CCDC81: variants seen among roughly 807,000 people sequenced by gnomAD.
CCDC81 encodes coiled-coil domain-containing protein 81.
A neutral mutation model predicts 83.7 loss-of-function variants in CCDC81; 79 were observed. That is an observed-to-expected ratio of 0.94 (90% CI 0.79 to 1.14). CCDC81 has a LOEUF of 1.14. CCDC81 is among the 50% of genes most tolerant of loss of function. The probability of loss-of-function intolerance (pLI) is 0.00; values close to 1 mark genes in which losing one functional copy is unlikely to be tolerated. For synonymous variants in CCDC81, 252 were observed against 278.1 expected (o/e 0.91, Z 0.93); for missense variants, 791 against 778.1 (o/e 1.02, Z -0.20).
intron 7 of CCDC81, among the ~76,000 whole-genome samples, chr11:86,404,883 C>T (rs754685946): frequency 2.6e-5 from 4 of 152,014 alleles, no homozygotes; most frequent in Admixed American, 6.6e-5. Context: ...TGTAGTGGGG[C>T]GCTTTCTCAT....
intron 3 of CCDC81, 67 bp downstream of exon 3, chr11:86,387,739 C>A: frequency 1.8e-6 from 2 of 1,112,630 alleles, no homozygotes; most frequent in South Asian, 1.5e-5. Context: ...AATGAAAGGG[C>A]AAAGCGTAGC....
intron 6 of CCDC81, among the ~76,000 whole-genome samples, chr11:86,399,327 C>A (rs902502997): frequency 6.6e-6 from 1 of 151,982 alleles, no homozygotes; most frequent in Non-Finnish European, 1.5e-5. Context: ...TATTCATGTT[C>A]TTCTTTTTCT....
intron 10 of CCDC81, among the ~76,000 whole-genome samples, chr11:86,410,338 A>G (rs1048751214): frequency 6.6e-6 from 1 of 152,222 alleles, no homozygotes; most frequent in Non-Finnish European, 1.5e-5. Context: ...CTAGGAATAC[A>G]AGGTTCCCTC....
At chr11:86,390,231 T>C (rs1418239990) in intron 3 of CCDC81, among the ~76,000 whole-genome samples, 3 of 152,138 alleles carry the variant, frequency 2.0e-5, no homozygotes, top group Non-Finnish European at 4.4e-5. Flanking sequence ...GAAGATGACA[T>C]GTGAAGAGGT....
At chr11:86,385,532 A>G (rs1447200079) in intron 1 of CCDC81, among the ~76,000 whole-genome samples, 4 of 152,266 alleles carry the variant, frequency 2.6e-5, no homozygotes, top group Non-Finnish European at 5.9e-5. Context: ...GTGAAAAATG[A>G]GAATAAAATG....
At chr11:86,405,782 T>C (rs1399038595) in intron 7 of CCDC81, among the ~76,000 whole-genome samples, 5 of 141,524 alleles carry the variant, frequency 3.5e-5, no homozygotes, top group Admixed American at 1.6e-4. Flanking sequence ...TTTCTTCTTT[T>C]TTCTTTTTTT....
chr11:86,401,411 T>A (rs923519734), intron 7 of CCDC81, among the ~76,000 whole-genome samples: 1 of 152,190 alleles, frequency 6.6e-6, no homozygotes, highest in Admixed American at 6.5e-5. Context: ...GTACTTTGCA[T>A]TGTGCTGCCA....
chr11:86,380,895 CAGTGTGAT>C, intron 1 of CCDC81, among the ~76,000 whole-genome samples: 1 of 152,208 alleles, frequency 6.6e-6, no homozygotes, highest in Non-Finnish European at 1.5e-5. Flanking sequence ...TTTAAATTGC[CAGTGTGAT>C]AGTTCCAACA....
At chr11:86,387,377 G>A (rs989183502) in intron 2 of CCDC81, 139 bp from the exon 3 acceptor site, 26 of 686,518 alleles carry the variant, frequency 3.8e-5, no homozygotes, top group Non-Finnish European at 5.1e-5. Context: ...AAATGCTATA[G>A]CTCTGAAGAG....
rs1320428877 is a variant in CCDC81 at position 86,414,809 on chromosome 11, A to C, written c.1412A>C (p.Lys471Thr). ...GCCAGACTTGCTGCGCAAAGAGCGA[A>C]ATTTTTAAAAGATAAGATGGAAGAA... is the stretch of plus-strand genomic sequence containing the variant. Reference protein sequence around the residue: ...LTEELAAQRAKFLKDKMEETQ... With the variant: ...LTEELAAQRATFLKDKMEETQ... The change falls in exon 12 of 15, where the codon AAA (lysine) becomes ACA (threonine). Residue 471 changes from lysine to threonine, a missense_variant. Transcript: ENST00000445632. 1.2e-6 allele frequency: 2 copies of C among 1,611,996 alleles called. No homozygotes were observed. Among genetic ancestry groups the C allele is most frequent in the South Asian group, 1.1e-5 (1 of 90,236 alleles).
rs1948766611 is a variant in CCDC81 at position 86,419,913 on chromosome 11, T to C, written c.1692-15T>C. ...TTCCAAGTATTATGGAGCCAGGCTG[T>C]TCTTTTCTCTCCAGGCACTTGGCAG... On this transcript the variant is annotated splice_polypyrimidine_tract_variant and intron_variant, in intron 13 of 14. Transcript: ENST00000445632. 6.2e-7 allele frequency: 1 copy of C among 1,607,980 alleles called. No homozygotes were observed. The highest frequency in any genetic ancestry group is 1.3e-5 in the African/African-American group (1 of 74,594).
At chr11:86,410,520 G>T (rs909788533) in intron 10 of CCDC81, among the ~76,000 whole-genome samples, 8 of 152,220 alleles carry the variant, frequency 5.3e-5, no homozygotes, top group Non-Finnish European at 1.2e-4. Context: ...GTTAGGTAAA[G>T]AAATCAAGGG....
At chr11:86,401,874 C>T (rs9795296) in intron 7 of CCDC81, among the ~76,000 whole-genome samples, 36,220 of 152,016 alleles carry the variant, frequency 0.24, 5,484 homozygotes, top group Non-Finnish European at 0.34. Context: ...CAGTGGCTCA[C>T]GCCTGTAATC....
At chr11:86,400,302 T>C (rs1299048371) in intron 6 of CCDC81, among the ~76,000 whole-genome samples, 2 of 152,198 alleles carry the variant, frequency 1.3e-5, no homozygotes, top group African/African-American at 4.8e-5. Context: ...GTATCTTATT[T>C]TTCTCTTCAA....
intron 2 of CCDC81, among the ~76,000 whole-genome samples, chr11:86,386,700 A>G (rs1948245757): frequency 6.6e-6 from 1 of 152,192 alleles, no homozygotes; most frequent in Non-Finnish European, 1.5e-5. Context: ...TTCATACTTC[A>G]AATTTATTTT....
In CCDC81 at chr11:86,392,701, C is replaced by A. The variant is rs758824883; in HGVS notation, c.459C>A (p.Val153=). Residue 153 remains valine, a synonymous_variant, in exon 4 of 15, where the codon GTC becomes GTA. Coordinates refer to ENST00000445632, the MANE Select transcript of CCDC81 (RefSeq NM_001156474.2). ...NVEFTFKGIG[V]LMIRDSKVKM... is the part of the protein sequence containing the mutation. ...AGTTTACATTCAAAGGAATTGGGGT[C>A]CTCATGATCAGAGACAGCAAAGTGA... is the stretch of plus-strand genomic sequence containing the variant. The A allele has an allele frequency of 4.5e-6, 7 of 1,551,618 alleles. No homozygotes were observed. The South Asian group carries it at 8.3e-5, about 18-fold the overall frequency.
At chr11:86,401,142 T>C (rs564176538) in intron 7 of CCDC81, among the ~76,000 whole-genome samples, 5 of 152,184 alleles carry the variant, frequency 3.3e-5, no homozygotes, top group Non-Finnish European at 7.3e-5. Flanking sequence ...GATATTATGA[T>C]GTGACACAAT....
intron 5 of CCDC81, 31 bp from the exon 6 acceptor site, chr11:86,397,590 G>A: frequency 6.3e-7 from 1 of 1,597,144 alleles, no homozygotes; most frequent in Non-Finnish European, 8.5e-7. Flanking sequence ...CAGGTTCAGT[G>A]CAGCAGAAAA....
intron 1 of CCDC81, among the ~76,000 whole-genome samples, chr11:86,377,246 G>T (rs962704779): frequency 1.3e-5 from 2 of 151,790 alleles, no homozygotes; most frequent in Non-Finnish European, 2.9e-5. Flanking sequence ...TATGAATAAA[G>T]CTGTTTTAAA....
Sources: allele counts gnomAD v4.1 joint callset (sites outside exome capture counted in the v4.1 genomes callset), GRCh38; gene constraint gnomAD v4.1.1; transcripts MANE v1.5; gene names NCBI Gene and HGNC (gene_info 2026-07-23, HGNC 2026-07-21).